The following ITPKB variants were observed in gnomAD, a reference collection of about 807,000 sequenced individuals.
ITPKB encodes IP3 3-kinase B.
ITPKB carries 13 observed loss-of-function variants against 69.4 expected under a neutral mutation model. The observed-to-expected ratio is 0.19, with a 90% confidence interval of 0.12 to 0.30. The LOEUF is 0.30. Ranked by LOEUF, ITPKB falls within the 10% of genes least tolerant of loss-of-function variation. The pLI, the probability that ITPKB is intolerant of heterozygous loss-of-function variation, is 1.00. For missense variants in ITPKB, 1,240 were observed against 1,250.5 expected, an observed-to-expected ratio of 0.99 and a Z score of 0.13; for synonymous variants, 584 against 513.7, an observed-to-expected ratio of 1.14 and a Z score of -1.85.
chr1:226,684,234 C>T (rs1304041489), intron 2 of ITPKB, among the ~76,000 whole-genome samples: 1 of 152,158 alleles, frequency 6.6e-6, no homozygotes, highest in Non-Finnish European at 1.5e-5. Context: ...TATGTGAAAG[C>T]AAGTGTAGAA....
chr1:226,677,873 C>A (rs183819990), intron 2 of ITPKB, among the ~76,000 whole-genome samples: 3 of 152,170 alleles, frequency 2.0e-5, no homozygotes, highest in African/African-American at 7.2e-5. Flanking sequence ...CCCTGGAGAA[C>A]GTGGCTAATG....
At chr1:226,670,461 G>A (rs371202934) in intron 2 of ITPKB, among the ~76,000 whole-genome samples, 1 of 152,218 alleles carries the variant, frequency 6.6e-6, no homozygotes, top group African/African-American at 2.4e-5. Context: ...AATAACAATA[G>A]TAGTGAAAAT....
intron 2 of ITPKB, among the ~76,000 whole-genome samples, chr1:226,677,109 G>A (rs1161518172): frequency 6.6e-6 from 1 of 152,198 alleles, no homozygotes; most frequent in African/African-American, 2.4e-5. Context: ...AGATCTTGAG[G>A]CCAAAGGCAT....
intron 3 of ITPKB, among the ~76,000 whole-genome samples, chr1:226,648,103 C>T (rs547661685): frequency 3.9e-5 from 6 of 152,282 alleles, no homozygotes; most frequent in Admixed American, 2.0e-4. Flanking sequence ...CCCTTCTCCC[C>T]GGCACTGCCT....
At chr1:226,645,980 G>C (rs746691853) in intron 4 of ITPKB, among the ~76,000 whole-genome samples, 1 of 152,212 alleles carries the variant, frequency 6.6e-6, no homozygotes, top group Non-Finnish European at 1.5e-5. Flanking sequence ...AGAAAGGAAA[G>C]AAGGAAAGAA....
chr1:226,672,490 G>A (rs1398083176), intron 2 of ITPKB, among the ~76,000 whole-genome samples: 1 of 152,150 alleles, frequency 6.6e-6, no homozygotes, highest in Non-Finnish European at 1.5e-5. Context: ...TGTAACAAAG[G>A]CCAAACAGAG....
chr1:226,686,756 C>T (rs1656224738), intron 2 of ITPKB, among the ~76,000 whole-genome samples: 1 of 152,204 alleles, frequency 6.6e-6, no homozygotes, highest in South Asian at 2.1e-4. Flanking sequence ...AAAAGGACAT[C>T]CCAAAGGGTT....
chr1:226,682,368 G>A (rs137962029), intron 2 of ITPKB, among the ~76,000 whole-genome samples: 71 of 152,336 alleles, frequency 4.7e-4, no homozygotes, highest in African/African-American at 1.6e-3. Context: ...GAGAATGACC[G>A]AAGGGACTTC....
chr1:226,710,128 T>C (rs2102636214), intron 2 of ITPKB, among the ~76,000 whole-genome samples: 1 of 152,280 alleles, frequency 6.6e-6, no homozygotes, highest in East Asian at 1.9e-4. Flanking sequence ...GAAGGTGCCG[T>C]GCTAACAGGT....
At chr1:226,664,728 G>T (rs963052393) in intron 2 of ITPKB, among the ~76,000 whole-genome samples, 1 of 152,192 alleles carries the variant, frequency 6.6e-6, no homozygotes, top group African/African-American at 2.4e-5. Context: ...TCAGGCAGTC[G>T]TCATTTGAAT....
intron 2 of ITPKB, among the ~76,000 whole-genome samples, chr1:226,651,579 C>G (rs191557638): frequency 6.6e-6 from 1 of 152,280 alleles, no homozygotes; most frequent in Admixed American, 6.5e-5. Context: ...GACCTCGGAG[C>G]CTGGGGCAGG....
chr1:226,713,694 T>G (rs968008426), intron 2 of ITPKB, among the ~76,000 whole-genome samples: 4 of 152,124 alleles, frequency 2.6e-5, no homozygotes, highest in African/African-American at 9.7e-5. Flanking sequence ...AAATTCAGAG[T>G]TCACGAAGGA....
intron 4 of ITPKB, among the ~76,000 whole-genome samples, chr1:226,644,178 C>T (rs1245318510): frequency 2.0e-5 from 3 of 152,222 alleles, no homozygotes. Context: ...GGCAGTCACT[C>T]ACTGCCCAGG....
Position 226,634,538 on chromosome 1 carries a change from C to G in ITPKB, c.*133G>C. 1.6e-6 allele frequency: 1 copy of G among 606,344 alleles called. No individual in the cohort carries two copies. Among genetic ancestry groups the G allele is most frequent in the Non-Finnish European group, 3.0e-6 (1 of 335,096 alleles). The allele number at this position is 606,344 out of a possible 1,614,324, so 37.6% of individuals were successfully genotyped here. A position where few individuals can be genotyped will look rare whatever the true frequency, so the allele number is the denominator to read the frequency against. On this transcript the variant is annotated 3_prime_UTR_variant, in exon 8 of 8. Coordinates refer to ENST00000429204, the MANE Select transcript of ITPKB (RefSeq NM_002221.4). This position sits in a 1 kb window ranked among gnomAD's most constrained non-coding sequence, Gnocchi z 6.3. ...AAATGACTAGAAACTCTCATCTCCT[C>G]TTCTACAAAGTGTCTTGTAGTGCAG...
chr1:226,640,452 C>A (rs1408878759), intron 5 of ITPKB, among the ~76,000 whole-genome samples: 2 of 152,286 alleles, frequency 1.3e-5, no homozygotes, highest in Middle Eastern at 3.4e-3. Flanking sequence ...AGGGAGCAGC[C>A]CTGGGTGCAG....
At position 226,738,159 on chromosome 1, in the gene ITPKB, C is replaced by A. The variant is rs138085520; in HGVS notation, c.-205-496G>T. Among the ~76,000 whole-genome samples the A allele has an allele frequency of 6.6e-6, 1 of 152,276 alleles. No homozygotes were observed. The highest frequency in any genetic ancestry group is 1.9e-4 in the East Asian group (1 of 5,158). On this transcript the variant is annotated intron_variant, in intron 1 of 7. Coordinates refer to ENST00000429204, the MANE Select transcript of ITPKB (RefSeq NM_002221.4). The surrounding 1 kb of genome is among the most constrained non-coding windows in gnomAD (Gnocchi z 4.2). Reference sequence around the variant, plus strand: ...CCCTCTCGGGGCATCAGAGACCGACCGGCTCGGAGGGAACCTAAGCGGGAC... The same window carrying A: ...CCCTCTCGGGGCATCAGAGACCGACAGGCTCGGAGGGAACCTAAGCGGGAC...
intron 4 of ITPKB, among the ~76,000 whole-genome samples, chr1:226,646,274 C>G (rs558531832): frequency 2.3e-4 from 35 of 152,172 alleles, no homozygotes; most frequent in Non-Finnish European, 4.1e-4. Context: ...CCATGGGGGC[C>G]GACAGCCTTA....
chr1:226,729,335 A>T (rs938244642), intron 2 of ITPKB, among the ~76,000 whole-genome samples: 1 of 151,862 alleles, frequency 6.6e-6, no homozygotes, highest in Admixed American at 6.6e-5. Flanking sequence ...TACAAAAATT[A>T]TCCGGGCATG....
intron 2 of ITPKB, among the ~76,000 whole-genome samples, chr1:226,679,158 C>A (rs1293693147): frequency 3.3e-5 from 5 of 151,314 alleles, no homozygotes; most frequent in Non-Finnish European, 7.3e-5. Context: ...TGGCTGACAG[C>A]GTCTATTCAG....
Sources: allele counts gnomAD v4.1 joint callset (sites outside exome capture counted in the v4.1 genomes callset), GRCh38; gene constraint gnomAD v4.1.1; non-coding constraint Gnocchi (gnomAD v3.1); transcripts MANE v1.5; gene names NCBI Gene and HGNC (gene_info 2026-07-23, HGNC 2026-07-21).